The following CYB5R4 variants were observed in gnomAD, a reference collection of about 807,000 sequenced individuals.
CYB5R4 encodes the protein cytochrome b5 reductase 4, also known as N-terminal cytochrome b5 and cytochrome b5 oxidoreductase domain-containing protein.
In CYB5R4, 55 loss-of-function variants were observed where a neutral mutation model predicts 70.2. That is an observed-to-expected ratio of 0.78 (90% CI 0.63 to 0.98). CYB5R4 has a LOEUF of 0.98. Among genes scored for constraint, CYB5R4 ranks in the 50% least tolerant of loss-of-function variants. CYB5R4 has a pLI of 0.00. For missense variants in CYB5R4, 562 were observed against 612.6 expected (o/e 0.92, Z 0.87); for synonymous variants, 197 against 199.5 (o/e 0.99, Z 0.11).
chr6:83,886,811 T>C (rs184362850), intron 2 of CYB5R4, among the ~76,000 whole-genome samples: 6 of 152,320 alleles, frequency 3.9e-5, no homozygotes, highest in Admixed American at 3.9e-4. Flanking sequence ...TAAAATTAGA[T>C]AATGAGACCA....
chr6:83,910,631 C>T lies in CYB5R4; in HGVS notation c.412+1541C>T, dbSNP rs371332544. ...TTTGTGTTAGCATTTGTTTTGTTTT[C>T]ATAGAAAGAGGAATTTTGAACATGT... On this transcript the variant is annotated intron_variant, in intron 4 of 15. Transcript: ENST00000369681. 1.9e-4 allele frequency among the ~76,000 whole-genome samples: 29 copies of T among 152,192 alleles called. No individual in the cohort carries two copies. In the South Asian group the frequency reaches 2.5e-3, roughly 13 times the overall value.
At chr6:83,950,756 C>T (rs955941480) in intron 14 of CYB5R4, among the ~76,000 whole-genome samples, 2 of 152,010 alleles carry the variant, frequency 1.3e-5, no homozygotes, top group Non-Finnish European at 2.9e-5. Flanking sequence ...AAAAAAATCA[C>T]CCATAATCCT....
chr6:83,943,340 G>A (rs1045981936), intron 14 of CYB5R4, among the ~76,000 whole-genome samples: 6 of 151,978 alleles, frequency 3.9e-5, no homozygotes, highest in African/African-American at 1.5e-4. Context: ...GTGGACTCCC[G>A]GCAAACTCCA....
intron 2 of CYB5R4, among the ~76,000 whole-genome samples, chr6:83,888,824 CCA>C (rs1422813419): frequency 2.0e-5 from 3 of 152,150 alleles, no homozygotes; most frequent in African/African-American, 7.2e-5. Context: ...GCCACTAGTG[CCA>C]CACAGTTAGC....
At chr6:83,917,118 A>G (rs2099465645) in intron 5 of CYB5R4, among the ~76,000 whole-genome samples, 1 of 152,150 alleles carries the variant, frequency 6.6e-6, no homozygotes, top group African/African-American at 2.4e-5. Flanking sequence ...TTTAAAAACC[A>G]TAGCATTAGT....
intron 14 of CYB5R4, among the ~76,000 whole-genome samples, chr6:83,943,211 A>G (rs2099470038): frequency 6.6e-6 from 1 of 152,086 alleles, no homozygotes; most frequent in African/African-American, 2.4e-5. Context: ...CATACAGGAG[A>G]GCTCTGGCTG....
rs373547970 is a variant in CYB5R4 at position 83,936,333 on chromosome 6, T to C, written c.1065T>C (p.Tyr355=). The C allele has an allele frequency of 5.0e-6, 8 of 1,612,498 alleles. No homozygotes were observed. The highest frequency in any genetic ancestry group is 2.2e-5 in the East Asian group (1 of 44,824). ...ACATCTACTTTTTGATAAAAATCTA[T>C]CCCACTGGACTCTTCACACCAGAGC... ...NKYIYFLIKI[Y]PTGLFTPELD... Residue 355 remains tyrosine (Y), a synonymous_variant, in exon 12 of 16, where the codon TAT becomes TAC. Coordinates refer to ENST00000369681, the MANE Select transcript of CYB5R4 (RefSeq NM_016230.4).
intron 3 of CYB5R4, among the ~76,000 whole-genome samples, chr6:83,895,844 C>T (rs371201177): frequency 3.7e-4 from 57 of 152,266 alleles, no homozygotes; most frequent in African/African-American, 1.3e-3. Flanking sequence ...AAACTAGAAA[C>T]TACAGTGACG....
chr6:83,880,278 C>G (rs536969344), intron 2 of CYB5R4, among the ~76,000 whole-genome samples: 29 of 152,204 alleles, frequency 1.9e-4, no homozygotes, highest in Admixed American at 1.3e-3. Context: ...TTTATTTTAT[C>G]TTAATGAATC....
intron 5 of CYB5R4, 55 bp downstream of exon 5, chr6:83,914,503 T>C: frequency 1.4e-6 from 2 of 1,400,020 alleles, no homozygotes; most frequent in South Asian, 1.3e-5. Flanking sequence ...ATGAATAGTA[T>C]TGATACACAG....
In CYB5R4 at chr6:83,917,987, C is replaced by T. The variant is rs749216986; in HGVS notation, c.446-18C>T. The T allele has an allele frequency of 3.7e-6, 6 of 1,600,480 alleles. No homozygotes were observed. The South Asian group carries it at 6.7e-5, about 18-fold the overall frequency. ...AAAATACTTTGTAGATGAACTATAG[C>T]TATCTTTCTTTGTAAAGGCATGCTT... On this transcript the variant is annotated intron_variant, in intron 5 of 15. Coordinates refer to ENST00000369681, the MANE Select transcript of CYB5R4 (RefSeq NM_016230.4).
intron 3 of CYB5R4, among the ~76,000 whole-genome samples, chr6:83,898,267 T>G (rs2129135142): frequency 6.6e-6 from 1 of 152,306 alleles, no homozygotes; most frequent in South Asian, 2.1e-4. Context: ...AAAGATCAGA[T>G]AGTTGTAGAT....
At position 83,936,128 on chromosome 6, in the gene CYB5R4, A is replaced by G. The variant is rs1024548898; in HGVS notation, c.956-96A>G. 4 of 812,634 alleles carry G rather than the reference A, an allele frequency of 4.9e-6. No individual in the cohort carries two copies. In the African/African-American group the frequency reaches 5.3e-5, roughly 11 times the overall value. 50.3% of individuals were successfully genotyped at this position (812,634 alleles called of 1,614,324 possible). A position where few individuals can be genotyped will look rare whatever the true frequency, so the allele number is the denominator to read the frequency against. Reference sequence around the variant, plus strand: ...ATGCCCATTAGGTATATAGTTTTAAATATATACTGATAGTGTCAAAATTTG... The same window carrying G: ...ATGCCCATTAGGTATATAGTTTTAAGTATATACTGATAGTGTCAAAATTTG... On this transcript the variant is annotated intron_variant, in intron 11 of 15. Transcript: ENST00000369681.
chr6:83,890,020 G>T (rs2099460876), intron 2 of CYB5R4, among the ~76,000 whole-genome samples: 1 of 152,118 alleles, frequency 6.6e-6, no homozygotes, highest in Non-Finnish European at 1.5e-5. Flanking sequence ...CATGAGATTT[G>T]GGCTGGGACA....
At chr6:83,904,472 T>C (rs1324448994) in intron 3 of CYB5R4, among the ~76,000 whole-genome samples, 1 of 152,148 alleles carries the variant, frequency 6.6e-6, no homozygotes, top group Admixed American at 6.5e-5. Flanking sequence ...ATGGACAACG[T>C]TATATGTGCT....
intron 2 of CYB5R4, among the ~76,000 whole-genome samples, chr6:83,881,131 G>A (rs1329175667): frequency 1.3e-5 from 2 of 152,096 alleles, no homozygotes; most frequent in South Asian, 2.1e-4. Context: ...TGTGAGATAT[G>A]CCACAGAGGA....
intron 14 of CYB5R4, among the ~76,000 whole-genome samples, chr6:83,948,501 TAAAGTA>T (rs1420046999): frequency 1.3e-5 from 2 of 152,202 alleles, no homozygotes; most frequent in African/African-American, 4.8e-5. Flanking sequence ...TCCCAGAACT[TAAAGTA>T]TAATAATTTT....
At chr6:83,905,662 G>A (rs1480945993) in intron 3 of CYB5R4, among the ~76,000 whole-genome samples, 4 of 152,018 alleles carry the variant, frequency 2.6e-5, no homozygotes, top group Non-Finnish European at 5.9e-5. Flanking sequence ...GCATATGCTG[G>A]CACCAGGGTT....
chr6:83,904,155 C>T (rs775222745), intron 3 of CYB5R4, among the ~76,000 whole-genome samples: 1 of 152,044 alleles, frequency 6.6e-6, no homozygotes, highest in Non-Finnish European at 1.5e-5. Flanking sequence ...AATCTGTCAA[C>T]TTTTTTGGAG....
Sources: gnomAD v4.1 joint callset for allele counts (sites outside exome capture counted in the v4.1 genomes callset) on GRCh38, gnomAD v4.1.1 for gene constraint, MANE v1.5 for transcripts, NCBI Gene and HGNC (gene_info 2026-07-23, HGNC 2026-07-21) for gene names.